LEO1: variants seen among roughly 807,000 people sequenced by gnomAD.
LEO1 encodes RNA polymerase-associated protein LEO1.
A neutral mutation model predicts 80.4 loss-of-function variants in LEO1; 34 were observed. That is an observed-to-expected ratio of 0.42 (90% CI 0.32 to 0.56). LEO1 has a LOEUF of 0.56. LEO1 is among the 20% of genes least tolerant of loss of function. The probability of loss-of-function intolerance (pLI) is 0.10; values close to 1 mark genes in which losing one functional copy is unlikely to be tolerated. For missense variants in LEO1, 631 were observed against 814.2 expected (o/e 0.77, Z 2.74); for synonymous variants, 262 against 274.9 (o/e 0.95, Z 0.46).
rs1465341907 is a variant in LEO1, at chr15:51,943,460, G to A, written c.1896+3832C>T. Among the ~76,000 whole-genome samples, 22 of 152,028 alleles carry A rather than the reference G, an allele frequency of 1.4e-4. 1 individual carries two copies. The South Asian group carries it at 4.6e-3, about 32-fold the overall frequency. ...CTCACACCTGTAATCCCAGCACTTT[G>A]GGAGGCTGAGGCAGGTGAATCACAA... is the stretch of plus-strand genomic sequence containing the variant. On this transcript the variant is annotated intron_variant, in intron 11 of 11. Coordinates refer to ENST00000299601, the MANE Select transcript of LEO1 (RefSeq NM_138792.4).
chr15:51,952,496 T>A (rs1049961280), intron 8 of LEO1, among the ~76,000 whole-genome samples: 2 of 152,178 alleles, frequency 1.3e-5, no homozygotes, highest in Non-Finnish European at 1.5e-5. Flanking sequence ...TTCAAAAAGC[T>A]AAATCATAAC....
Position 51,949,982 on chromosome 15 carries a change from GTTC to G in LEO1, c.1621_1623del (p.Glu541del). 2.5e-6 allele frequency: 4 copies of G among 1,611,130 alleles called. No individual in the cohort carries two copies. The highest frequency in any genetic ancestry group is 3.4e-6 in the Non-Finnish European group (4 of 1,179,220). ...TCCCTACGTATGGAAGCCCTCAAAC[GTTC>G]TTCTTCTTTCTGTAAAGAAGCAAAT... On this transcript the variant is annotated inframe_deletion, in exon 10 of 12. Transcript: ENST00000299601.
intron 10 of LEO1, among the ~76,000 whole-genome samples, chr15:51,949,132 A>G (rs2056926365): frequency 6.6e-6 from 1 of 152,242 alleles, no homozygotes; most frequent in Admixed American, 6.5e-5. Context: ...GAAATCAGTG[A>G]TACTTGTGAA....
intron 8 of LEO1, 124 bp from the exon 9 acceptor site, chr15:51,952,103 G>T: frequency 1.4e-6 from 1 of 728,706 alleles, no homozygotes; most frequent in South Asian, 2.1e-5. Context: ...AATAGGCAGA[G>T]ACACTCGACT....
intron 6 of LEO1, among the ~76,000 whole-genome samples, chr15:51,955,653 A>T (rs1360404778): frequency 2.6e-5 from 4 of 152,204 alleles, no homozygotes; most frequent in African/African-American, 9.6e-5. Context: ...CAACAATGTG[A>T]AAACTGCCAA....
intron 9 of LEO1, among the ~76,000 whole-genome samples, chr15:51,950,977 A>G (rs1161230776): frequency 6.6e-6 from 1 of 152,266 alleles, no homozygotes; most frequent in Admixed American, 6.5e-5. Flanking sequence ...AAATGCCGCT[A>G]TATACCACTA....
At chr15:51,966,532 C>A (rs1386984911) in intron 1 of LEO1, 28 bp from the exon 2 acceptor site, 4 of 1,360,464 alleles carry the variant, frequency 2.9e-6, no homozygotes, top group South Asian at 1.3e-5. Context: ...CATAGGATAA[C>A]ATAAGCAAAA....
rs139052111 is a variant in LEO1, at chr15:51,950,523, G to C, written c.1612-529C>G. Among the ~76,000 whole-genome samples, 574 of 152,270 alleles carry C rather than the reference G, an allele frequency of 3.8e-3. 6 individuals are homozygous for C. The highest frequency in any genetic ancestry group is 0.013 in the African/African-American group (559 of 41,532). On this transcript the variant is annotated intron_variant, in intron 9 of 11. Coordinates refer to ENST00000299601, the MANE Select transcript of LEO1 (RefSeq NM_138792.4). ...GTTGGGGAGCGTCCTAGAGCCACAA[G>C]GTAGACCTTTCATTTCCTTTGCACT...
At chr15:51,971,229 C>A (rs1333844554) in intron 1 of LEO1, among the ~76,000 whole-genome samples, 1 of 152,186 alleles carries the variant, frequency 6.6e-6, no homozygotes, top group Non-Finnish European at 1.5e-5. Flanking sequence ...ATCTCAAGCT[C>A]CCTATCACAC....
chr15:51,951,760 A>T, intron 9 of LEO1, 84 bp downstream of exon 9: 2 of 1,215,570 alleles, frequency 1.6e-6, no homozygotes, highest in South Asian at 2.7e-5. Context: ...TAGGCCAATA[A>T]GAGATGACGA....
rs368626497 is a variant in LEO1, at chr15:51,965,916, C to A, written c.647G>T (p.Arg216Leu). The change falls in exon 2 of 12, where the codon CGG becomes CTG. Residue 216 changes from arginine (R) to leucine (L), a missense_variant. Coordinates refer to ENST00000299601, the MANE Select transcript of LEO1 (RefSeq NM_138792.4). ...EEEKANSDDE[R>L]PVASDNDDEK... ...ATCATCATTATCAGAAGCTACCGGC[C>A]GTTCATCATCAGAATTAGCCTTTTC... 92 of 1,613,934 alleles carry A rather than the reference C, an allele frequency of 5.7e-5. No individual in the cohort carries two copies. Among genetic ancestry groups the A allele is most frequent in the Non-Finnish European group, 7.8e-5 (92 of 1,180,006 alleles).
chr15:51,942,562 A>G (rs59784585), intron 11 of LEO1, among the ~76,000 whole-genome samples: 2,336 of 152,342 alleles, frequency 0.015, 67 homozygotes, highest in East Asian at 0.076. Context: ...CCTGTTGTTC[A>G]GCACTGTAAA....
intron 9 of LEO1, among the ~76,000 whole-genome samples, chr15:51,950,844 G>T (rs867813369): frequency 6.6e-6 from 1 of 152,150 alleles, no homozygotes; most frequent in Admixed American, 6.6e-5. Context: ...GAGGGTGTGG[G>T]GAGATGCTCA....
At chr15:51,961,955 A>G (rs2057034360) in intron 3 of LEO1, among the ~76,000 whole-genome samples, 1 of 151,898 alleles carries the variant, frequency 6.6e-6, no homozygotes, top group South Asian at 2.1e-4. Flanking sequence ...TGAGATCAGG[A>G]GTTCGAGACC....
At chr15:51,962,601 T>C (rs1217059273) in intron 2 of LEO1, 108 bp from the exon 3 acceptor site, 2 of 686,392 alleles carry the variant, frequency 2.9e-6, no homozygotes, top group Non-Finnish European at 5.0e-6. Flanking sequence ...GGACTACTAC[T>C]CAGCAATAAA....
intron 8 of LEO1, 54 bp from the exon 9 acceptor site, chr15:51,952,033 C>T (rs2056953431): frequency 6.7e-7 from 1 of 1,501,220 alleles, no homozygotes; most frequent in Non-Finnish European, 9.1e-7. Context: ...CATTTGTGAG[C>T]CAGTGATACC....
chr15:51,954,440 G>A (rs564767791), intron 7 of LEO1, 41 bp downstream of exon 7: 81 of 1,224,172 alleles, frequency 6.6e-5, no homozygotes, highest in Admixed American at 1.2e-4. Context: ...CCTCTGACCC[G>A]TTCTGGGTAT....
chr15:51,941,966 T>C (rs950989382), intron 11 of LEO1, among the ~76,000 whole-genome samples: 5 of 152,224 alleles, frequency 3.3e-5, no homozygotes, highest in Non-Finnish European at 5.9e-5. Context: ...TTCACTCTAA[T>C]ATAGACTGGC....
In LEO1 at chr15:51,966,157, C is replaced by T. The variant is rs1245786782; in HGVS notation, c.406G>A (p.Glu136Lys). 1 of 1,613,852 alleles carries T rather than the reference C, an allele frequency of 6.2e-7. No individual in the cohort carries two copies. The highest frequency in any genetic ancestry group is 1.3e-5 in the African/African-American group (1 of 74,924). Residue 136 changes from glutamate to lysine, a missense_variant, in exon 2 of 12, where the codon GAA becomes AAA. Transcript: ENST00000299601. ...GSHHSEAEGS[E>K]KAHSDDEKWG... is the part of the protein sequence containing the mutation. ...TTTTCATCATCTGAATGTGCTTTTTCAGAACCTTCTGCTTCTGAATGATGG... is the reference window on the plus strand; with the variant it reads ...TTTTCATCATCTGAATGTGCTTTTTTAGAACCTTCTGCTTCTGAATGATGG...
Sources: gnomAD v4.1 joint callset for allele counts (sites outside exome capture counted in the v4.1 genomes callset) on GRCh38, gnomAD v4.1.1 for gene constraint, MANE v1.5 for transcripts, NCBI Gene and HGNC (gene_info 2026-07-23, HGNC 2026-07-21) for gene names.